Variants in PHACTR2 observed in about 807,000 individuals in gnomAD.
PHACTR2 encodes the protein phosphatase and actin regulator 2.
PHACTR2 carries 30 observed loss-of-function variants against 76.0 expected under a neutral mutation model. The ratio of observed to expected loss-of-function variants is 0.39; its 90% CI spans 0.30 to 0.54. The LOEUF (loss-of-function observed/expected upper bound fraction) is 0.54. PHACTR2 is among the 20% of genes least tolerant of loss of function. The pLI, the probability that PHACTR2 is intolerant of heterozygous loss-of-function variation, is 0.61. For synonymous variants in PHACTR2, 292 were observed against 292.5 expected (o/e 1.00, Z 0.02); for missense variants, 696 against 781.1 (o/e 0.89, Z 1.30).
intron 1 of PHACTR2, among the ~76,000 whole-genome samples, chr6:143,632,407 A>G (rs957736121): frequency 1.1e-4 from 16 of 152,260 alleles, no homozygotes; most frequent in African/African-American, 3.9e-4. Context: ...AATAAAGGCA[A>G]ATAAATGTGT....
chr6:143,693,223 CT>C (rs112039008), intron 1 of PHACTR2, among the ~76,000 whole-genome samples: 15 of 151,884 alleles, frequency 9.9e-5, no homozygotes, highest in African/African-American at 3.4e-4. Flanking sequence ...TAGTAGTGTC[CT>C]TTTTTTGTTT....
chr6:143,823,413 A>T lies in PHACTR2; in HGVS notation c.1923-261A>T, dbSNP rs949435106. On this transcript the variant is annotated intron_variant, in intron 12 of 12. Transcript: ENST00000440869. This position sits in a 1 kb window ranked among gnomAD's most constrained non-coding sequence, Gnocchi z 5.7. The stretch of plus-strand genomic sequence containing the variant: ...TCTGTCTTGGTTGCTGTGTAACTTG[A>T]ATACTATAACCAGCATCTTTTATAT... Among the ~76,000 whole-genome samples, 1 of 152,218 alleles carries T rather than the reference A, an allele frequency of 6.6e-6. No individual in the cohort carries two copies. The highest frequency in any genetic ancestry group is 2.4e-5 in the African/African-American group (1 of 41,446).
chr6:143,732,895 T>C (rs762013774), intron 2 of PHACTR2, among the ~76,000 whole-genome samples: 6 of 152,118 alleles, frequency 3.9e-5, no homozygotes, highest in African/African-American at 7.2e-5. Context: ...TTTTCTGATT[T>C]ATTTATTTAT....
In PHACTR2 at chr6:143,633,364, T is replaced by G. The variant is rs1476178575; in HGVS notation, c.13+25042T>G. On this transcript the variant is annotated intron_variant, in intron 1 of 11. Transcript: ENST00000305766. This position sits in a 1 kb window ranked among gnomAD's most constrained non-coding sequence, Gnocchi z 4.1. ...GCAATTCCCTATCGGCATATGATGC[T>G]GAACATCTTTTCATATGCTCACTTG... 6.6e-6 allele frequency among the ~76,000 whole-genome samples: 1 copy of G among 152,234 alleles called. No homozygotes were observed. The highest frequency in any genetic ancestry group is 1.5e-5 in the Non-Finnish European group (1 of 68,026).
rs1398697489 is a variant in PHACTR2 at position 143,624,386 on chromosome 6, C to T, written c.13+16064C>T. 1.3e-5 allele frequency among the ~76,000 whole-genome samples: 2 copies of T among 152,092 alleles called. No homozygotes were observed. The highest frequency in any genetic ancestry group is 1.3e-4 in the Admixed American group (2 of 15,270). ...CCTCCTAAAGTGCTAGGATTACAGG[C>T]GTGAGCCACCGTGCCTGGCCAAAAT... On this transcript the variant is annotated intron_variant, in intron 1 of 11. Transcript: ENST00000305766. This position sits in a 1 kb window ranked among gnomAD's most constrained non-coding sequence, Gnocchi z 4.6.
In PHACTR2 at chr6:143,819,626, G is replaced by A. The variant is rs923568188; in HGVS notation, c.1923-4048G>A. On this transcript the variant is annotated intron_variant, in intron 12 of 12. Transcript: ENST00000440869. The surrounding 1 kb of genome is among the most constrained non-coding windows in gnomAD (Gnocchi z 5.0). ...TAAGTTCTGGAGTACAAAGGGTGGGGAGCCTGGAGTTGTTGTTCAAGGACA... is the reference window on the plus strand; with the variant it reads ...TAAGTTCTGGAGTACAAAGGGTGGGAAGCCTGGAGTTGTTGTTCAAGGACA... 6.6e-6 allele frequency among the ~76,000 whole-genome samples: 1 copy of A among 152,128 alleles called. No homozygotes were observed. The highest frequency in any genetic ancestry group is 1.9e-4 in the East Asian group (1 of 5,174).
Position 143,546,544 on chromosome 6 carries a change from T to C in PHACTR2, c.217+9337T>C, listed in dbSNP as rs1267178404. Among the ~76,000 whole-genome samples, 2 of 152,162 alleles carry C rather than the reference T, an allele frequency of 1.3e-5. No homozygotes were observed. Among genetic ancestry groups the C allele is most frequent in the Non-Finnish European group, 1.5e-5 (1 of 68,018 alleles). Reference sequence around the variant, plus strand: ...ATGATCTTTTTTGTTTTATGTATATTTTCACCTACCTGAATGTTTGGCATA... The same window carrying C: ...ATGATCTTTTTTGTTTTATGTATATCTTCACCTACCTGAATGTTTGGCATA... On this transcript the variant is annotated intron_variant, in intron 1 of 11. Coordinates refer to the PHACTR2 transcript ENST00000367584. This position sits in a 1 kb window ranked among gnomAD's most constrained non-coding sequence, Gnocchi z 4.9.
chr6:143,575,177 C>T (rs1300247691), intron 1 of PHACTR2, among the ~76,000 whole-genome samples: 1 of 152,122 alleles, frequency 6.6e-6, no homozygotes, highest in East Asian at 1.9e-4. Flanking sequence ...TTTACATCTA[C>T]GAATTAATTT....
At position 143,742,377 on chromosome 6, in the gene PHACTR2, G is replaced by A. The variant is rs887303375; in HGVS notation, c.215-6608G>A. Among the ~76,000 whole-genome samples the A allele has an allele frequency of 2.0e-5, 3 of 152,122 alleles. No individual in the cohort carries two copies. In the East Asian group the frequency reaches 5.8e-4, roughly 29 times the overall value. On this transcript the variant is annotated intron_variant, in intron 2 of 12. Transcript: ENST00000440869. This position sits in a 1 kb window ranked among gnomAD's most constrained non-coding sequence, Gnocchi z 4.5. ...TTGTTAACTTCAGTTCTCCTCTTGC[G>A]GAGGCAAGGTGGCCACTAGCCACTC... is the stretch of plus-strand genomic sequence containing the variant.
chr6:143,705,696 G>A (rs1204835592), intron 1 of PHACTR2, among the ~76,000 whole-genome samples: 3 of 152,170 alleles, frequency 2.0e-5, no homozygotes, highest in Admixed American at 6.5e-5. Context: ...AGGGTTGTGG[G>A]TTTTGAAGTA....
At chr6:143,604,891 CA>C (rs370249476), upstream of PHACTR2, among the ~76,000 whole-genome samples, 365 of 132,264 alleles carry the variant, frequency 2.8e-3, no homozygotes, top group African/African-American at 8.3e-3. Context: ...GACTCCGTCT[CA>C]AAAAAAAAAA....
intron 6 of PHACTR2, among the ~76,000 whole-genome samples, chr6:143,768,679 AAC>A (rs1212176778): frequency 6.6e-6 from 1 of 152,214 alleles, no homozygotes; most frequent in African/African-American, 2.4e-5. Flanking sequence ...GTATATGAAG[AAC>A]TGTCAGACCA....
At position 143,625,496 on chromosome 6, in the gene PHACTR2, A is replaced by G. The variant is rs909106294; in HGVS notation, c.13+17174A>G. Among the ~76,000 whole-genome samples the G allele has an allele frequency of 6.6e-6, 1 of 152,240 alleles. No homozygotes were observed. The highest frequency in any genetic ancestry group is 1.5e-5 in the Non-Finnish European group (1 of 68,040). On this transcript the variant is annotated intron_variant, in intron 1 of 11. Coordinates refer to the PHACTR2 transcript ENST00000305766. The surrounding 1 kb of genome is among the most constrained non-coding windows in gnomAD (Gnocchi z 4.3). ...CACAACATCAAAAAGGATAATAAATATTATTGATAACTTATCGAATAGGTA... is the reference window on the plus strand; with the variant it reads ...CACAACATCAAAAAGGATAATAAATGTTATTGATAACTTATCGAATAGGTA...
At chr6:143,756,811 G>C (rs1424708864) in intron 4 of PHACTR2, among the ~76,000 whole-genome samples, 1 of 152,160 alleles carries the variant, frequency 6.6e-6, no homozygotes, top group Non-Finnish European at 1.5e-5. Flanking sequence ...ACTTTGAGAG[G>C]CCAAGGCGGG....
intron 1 of PHACTR2, among the ~76,000 whole-genome samples, chr6:143,540,093 A>G (rs890667416): frequency 1.3e-5 from 2 of 152,186 alleles, no homozygotes; most frequent in Non-Finnish European, 2.9e-5. Context: ...ACCTTCTCAC[A>G]TCCCTATTGC....
Position 143,592,574 on chromosome 6 carries a change from C to T in PHACTR2, c.217+55367C>T, listed in dbSNP as rs961402000. On this transcript the variant is annotated intron_variant, in intron 1 of 11. Transcript: ENST00000367584. This position sits in a 1 kb window ranked among gnomAD's most constrained non-coding sequence, Gnocchi z 4.0. Reference sequence around the variant, plus strand: ...CTTGATTTGGTCACTCATCCTCTTTCCGGTCGTTTGTTTATGCTCTTTCCA... The same window carrying T: ...CTTGATTTGGTCACTCATCCTCTTTTCGGTCGTTTGTTTATGCTCTTTCCA... Among the ~76,000 whole-genome samples the T allele has an allele frequency of 3.3e-5, 5 of 152,130 alleles. No individual in the cohort carries two copies. Among genetic ancestry groups the T allele is most frequent in the African/African-American group, 1.2e-4 (5 of 41,428 alleles).
At chr6:143,606,186 A>T (rs1403192130), upstream of PHACTR2, among the ~76,000 whole-genome samples, 1 of 152,252 alleles carries the variant, frequency 6.6e-6, no homozygotes, top group African/African-American at 2.4e-5. Context: ...TCTAAGTGGA[A>T]TAAGTAAAGA....
rs1775966548 is a variant in PHACTR2, at chr6:143,611,038, T to C, written c.13+2716T>C. Among the ~76,000 whole-genome samples the C allele has an allele frequency of 6.6e-6, 1 of 152,212 alleles. No individual in the cohort carries two copies. The highest frequency in any genetic ancestry group is 1.5e-5 in the Non-Finnish European group (1 of 68,030). ...CACTATCCTCCTTACCTCCATCAAG[T>C]GGTTCTCGTGAATGAACTGTGATAA... On this transcript the variant is annotated intron_variant, in intron 1 of 11. Coordinates refer to the PHACTR2 transcript ENST00000305766. This position sits in a 1 kb window ranked among gnomAD's most constrained non-coding sequence, Gnocchi z 4.4.
In PHACTR2 at chr6:143,658,937, T is replaced by C. The variant is rs559579923; in HGVS notation, c.13+50615T>C. The stretch of plus-strand genomic sequence containing the variant: ...CTGCTCTGAGGCTGAGGCAGGAGAA[T>C]CGCTTGAACCCAGGAGGTGGAGGCT... On this transcript the variant is annotated intron_variant, in intron 1 of 11. Coordinates refer to the PHACTR2 transcript ENST00000305766. The surrounding 1 kb of genome is among the most constrained non-coding windows in gnomAD (Gnocchi z 4.1). Among the ~76,000 whole-genome samples, 1 of 151,246 alleles carries C rather than the reference T, an allele frequency of 6.6e-6. No individual in the cohort carries two copies. The highest frequency in any genetic ancestry group is 1.5e-5 in the Non-Finnish European group (1 of 67,882).
Sources: gnomAD v4.1 joint callset for allele counts (sites outside exome capture counted in the v4.1 genomes callset) on GRCh38, gnomAD v4.1.1 for gene constraint, Gnocchi (gnomAD v3.1) non-coding constraint, MANE v1.5 for transcripts, NCBI Gene and HGNC (gene_info 2026-07-23, HGNC 2026-07-21) for gene names.